The following UNC13C variants were observed in gnomAD, a reference collection of about 807,000 sequenced individuals.
UNC13C encodes protein unc-13 homolog C.
A neutral mutation model predicts 245.4 loss-of-function variants in UNC13C; 174 were observed. The observed-to-expected ratio is 0.71, with a 90% CI of 0.63 to 0.80. The LOEUF is 0.80. Ranked by LOEUF, UNC13C falls within the 30% of genes least tolerant of loss-of-function variation. UNC13C has a pLI of 0.00. For synonymous variants in UNC13C, 992 were observed against 895.1 expected (o/e 1.11, Z -1.93); for missense variants, 2,829 against 2,602.9 (o/e 1.09, Z -1.89).
At chr15:54,470,412 A>G (rs1286627333) in intron 19 of UNC13C, among the ~76,000 whole-genome samples, 3 of 151,462 alleles carry the variant, frequency 2.0e-5, no homozygotes, top group Non-Finnish European at 4.4e-5. Flanking sequence ...TTACTGATTC[A>G]GTCTCCTCAC....
chr15:54,619,155 C>G (rs1023071758), intron 30 of UNC13C, among the ~76,000 whole-genome samples: 5 of 152,118 alleles, frequency 3.3e-5, no homozygotes, highest in Non-Finnish European at 5.9e-5. Flanking sequence ...CTTTTTATGT[C>G]ATCACCTACC....
intron 4 of UNC13C, among the ~76,000 whole-genome samples, chr15:54,169,834 C>T (rs1449777010): frequency 3.3e-5 from 5 of 152,120 alleles, no homozygotes; most frequent in African/African-American, 1.2e-4. Flanking sequence ...ATTAGTTCCC[C>T]CACCACCCAC....
At chr15:54,471,106 A>G (rs1347647151) in intron 19 of UNC13C, among the ~76,000 whole-genome samples, 1 of 151,518 alleles carries the variant, frequency 6.6e-6, no homozygotes. Flanking sequence ...AAATTTGTTA[A>G]GACTTTTTGT....
chr15:53,988,494 G>A (rs1427327053), intron 1 of UNC13C, among the ~76,000 whole-genome samples: 1 of 151,852 alleles, frequency 6.6e-6, no homozygotes, highest in African/African-American at 2.4e-5. Context: ...GAAGAAATGT[G>A]AAGATGAATC....
intron 30 of UNC13C, among the ~76,000 whole-genome samples, chr15:54,575,506 T>A (rs1363324486): frequency 6.6e-6 from 1 of 152,146 alleles, no homozygotes; most frequent in Non-Finnish European, 1.5e-5. Context: ...GTGAACCATT[T>A]TCTTATCAGT....
intron 25 of UNC13C, among the ~76,000 whole-genome samples, chr15:54,531,586 G>T (rs966941029): frequency 1.3e-5 from 2 of 151,952 alleles, no homozygotes; most frequent in Non-Finnish European, 1.5e-5. Context: ...AAGCCGAGAA[G>T]GTGTGGAGTC....
the UNC13C span, among the ~76,000 whole-genome samples, chr15:53,893,206 G>A: frequency 6.6e-6 from 1 of 152,184 alleles, no homozygotes; most frequent in Admixed American, 6.5e-5. Context: ...AAAGATTACT[G>A]CCTGTTCTTT....
Position 54,427,215 on chromosome 15 carries a change from G to A in UNC13C, c.4933+12148G>A, listed in dbSNP as rs112375729. 8.2e-3 allele frequency among the ~76,000 whole-genome samples: 1,245 copies of A among 151,884 alleles called. 12 individuals are homozygous for A. The highest frequency in any genetic ancestry group is 0.029 in the African/African-American group (1,200 of 41,482). ...ATTGTGTCTCCCAGAATTCCCATGT[G>A]TTGTGGGAAGGACCCAGGGGGAGAT... On this transcript the variant is annotated intron_variant, in intron 19 of 32. Transcript: ENST00000260323.
At chr15:54,190,781 A>T (rs2141324538) in intron 4 of UNC13C, among the ~76,000 whole-genome samples, 1 of 152,094 alleles carries the variant, frequency 6.6e-6, no homozygotes, top group South Asian at 2.1e-4. Context: ...TTTAAACGTA[A>T]CATTTTATTG....
At chr15:54,247,237 T>G (rs140701349) in intron 7 of UNC13C, among the ~76,000 whole-genome samples, 1 of 152,188 alleles carries the variant, frequency 6.6e-6, no homozygotes, top group Non-Finnish European at 1.5e-5. Context: ...TAGCAAATTT[T>G]GGGGTTTCCC....
intron 8 of UNC13C, among the ~76,000 whole-genome samples, chr15:54,252,809 TA>T (rs1321388808): frequency 2.0e-5 from 3 of 152,184 alleles, no homozygotes; most frequent in Non-Finnish European, 4.4e-5. Flanking sequence ...ATTTTCTTTA[TA>T]AAATGGCCAT....
intron 7 of UNC13C, among the ~76,000 whole-genome samples, chr15:54,249,365 G>A (rs567734807): frequency 2.0e-5 from 3 of 152,266 alleles, no homozygotes; most frequent in Admixed American, 6.5e-5. Flanking sequence ...CAGAGCAGAG[G>A]AGGAGGGTGA....
intron 2 of UNC13C, among the ~76,000 whole-genome samples, chr15:54,135,943 A>G (rs775395847): frequency 7.2e-5 from 11 of 152,114 alleles, no homozygotes; most frequent in Admixed American, 1.3e-4. Flanking sequence ...TTAAAATGCA[A>G]GCTTTTTAAG....
the UNC13C span, among the ~76,000 whole-genome samples, chr15:53,896,188 G>T: frequency 6.6e-6 from 1 of 151,888 alleles, no homozygotes; most frequent in South Asian, 2.1e-4. Context: ...ATTTTTCGTT[G>T]AAAAGTGTGT....
intron 20 of UNC13C, 50 bp from the exon 21 acceptor site, chr15:54,500,029 T>A (rs778389227): frequency 4.5e-6 from 6 of 1,340,344 alleles, no homozygotes; most frequent in African/African-American, 1.5e-5. Flanking sequence ...CCTGTTAATT[T>A]TATGCAAATG....
intron 19 of UNC13C, among the ~76,000 whole-genome samples, chr15:54,423,857 T>C (rs142639280): frequency 8.0e-4 from 122 of 151,998 alleles, no homozygotes; most frequent in Non-Finnish European, 1.4e-3. Context: ...TGGGAAGAGA[T>C]AGGAGGAAAA....
chr15:54,177,140 A>G (rs927842523), intron 4 of UNC13C, among the ~76,000 whole-genome samples: 8 of 152,272 alleles, frequency 5.3e-5, no homozygotes, highest in Admixed American at 4.6e-4. Flanking sequence ...ATCAAACAGC[A>G]GGGACATATA....
chr15:54,200,208 G>T (rs111900743), intron 4 of UNC13C, among the ~76,000 whole-genome samples: 2 of 151,952 alleles, frequency 1.3e-5, no homozygotes, highest in East Asian at 3.9e-4. Flanking sequence ...ACCTAAGAAA[G>T]GAGAGAGACA....
intron 17 of UNC13C, among the ~76,000 whole-genome samples, chr15:54,378,993 T>C (rs1470462386): frequency 1.3e-5 from 2 of 152,074 alleles, no homozygotes; most frequent in Non-Finnish European, 2.9e-5. Context: ...GTAAAGACTA[T>C]TGAATATTTT....
Sources: allele counts gnomAD v4.1 joint callset (sites outside exome capture counted in the v4.1 genomes callset), GRCh38; gene constraint gnomAD v4.1.1; transcripts MANE v1.5; gene names NCBI Gene and HGNC (gene_info 2026-07-23, HGNC 2026-07-21).